KCNIP4: variants seen among roughly 807,000 people sequenced by gnomAD.
KCNIP4 encodes potassium voltage-gated channel interacting protein 4.
Under a neutral mutation model 34.0 loss-of-function variants are expected in KCNIP4, and 12 were observed. That is an observed-to-expected ratio of 0.35 (90% CI 0.23 to 0.57). The LOEUF is 0.57. Ranked by LOEUF, KCNIP4 falls within the 20% of genes least tolerant of loss-of-function variation. KCNIP4 has a pLI of 0.83. For synonymous variants in KCNIP4, 124 were observed against 102.2 expected (o/e 1.21, Z -1.29); for missense variants, 238 against 311.7 (o/e 0.76, Z 1.78).
At chr4:21,391,832 A>G (rs1322413318) in intron 1 of KCNIP4, among the ~76,000 whole-genome samples, 1 of 152,134 alleles carries the variant, frequency 6.6e-6, no homozygotes, top group Non-Finnish European at 1.5e-5. Flanking sequence ...TCCTTAATTC[A>G]ACCAGTACTG....
At chr4:21,894,177 C>CA (rs897662492) in intron 1 of KCNIP4, among the ~76,000 whole-genome samples, 18 of 150,446 alleles carry the variant, frequency 1.2e-4, no homozygotes, top group South Asian at 6.3e-4. Flanking sequence ...ACTAAAAATA[C>CA]AAAAAAAAAT....
intron 1 of KCNIP4, among the ~76,000 whole-genome samples, chr4:21,023,790 G>T (rs937851185): frequency 1.3e-5 from 2 of 152,212 alleles, no homozygotes; most frequent in African/African-American, 2.4e-5. Flanking sequence ...GTTAAGGTAG[G>T]AGGATCACTT....
At chr4:20,915,573 T>C (rs182274756) in intron 1 of KCNIP4, among the ~76,000 whole-genome samples, 79 of 152,274 alleles carry the variant, frequency 5.2e-4, no homozygotes, top group African/African-American at 1.7e-3. Context: ...AATCTACTAA[T>C]GTTAGCTTCA....
intron 1 of KCNIP4, among the ~76,000 whole-genome samples, chr4:21,704,822 C>T (rs1001643299): frequency 2.6e-5 from 4 of 152,054 alleles, no homozygotes; most frequent in Non-Finnish European, 5.9e-5. Flanking sequence ...CTTAAAATTC[C>T]GAACATACAT....
chr4:21,002,652 C>G (rs1215789648), intron 1 of KCNIP4, among the ~76,000 whole-genome samples: 1 of 152,068 alleles, frequency 6.6e-6, no homozygotes, highest in East Asian at 1.9e-4. Context: ...TCGGGCCCAC[C>G]CCAGACCTAC....
At chr4:21,694,914 C>CAAAAAAAAAAAAAAAAAA (rs368053041) in intron 1 of KCNIP4, among the ~76,000 whole-genome samples, 2 of 46,508 alleles carry the variant, frequency 4.3e-5, no homozygotes, top group African/African-American at 1.3e-4. Flanking sequence ...CACGATTGAC[C>CAAAAAAAAAAAAAAAAAA]AAAAAAAAAA....
chr4:21,247,984 C>CACACACATATATATAT (rs1560213179), intron 1 of KCNIP4, among the ~76,000 whole-genome samples: 7 of 116,682 alleles, frequency 6.0e-5, no homozygotes, highest in African/African-American at 1.5e-4. Flanking sequence ...TATATATATA[C>CACACACATATATATAT]ACACACACAC....
intron 1 of KCNIP4, among the ~76,000 whole-genome samples, chr4:20,951,400 A>G (rs2149640542): frequency 6.6e-6 from 1 of 152,370 alleles, no homozygotes; most frequent in Admixed American, 6.5e-5. Context: ...TATTAGATGA[A>G]TTATTCAAAA....
chr4:20,906,641 G>A (rs1399173312), intron 1 of KCNIP4, among the ~76,000 whole-genome samples: 1 of 152,082 alleles, frequency 6.6e-6, no homozygotes, highest in Non-Finnish European at 1.5e-5. Flanking sequence ...TCCCTATCCT[G>A]GAATTCACAA....
At chr4:21,748,460 C>T (rs926330021) in intron 1 of KCNIP4, among the ~76,000 whole-genome samples, 3 of 152,098 alleles carry the variant, frequency 2.0e-5, no homozygotes, top group Non-Finnish European at 2.9e-5. Context: ...AGAGTAAATG[C>T]CAATTTTGCA....
intron 3 of KCNIP4, among the ~76,000 whole-genome samples, chr4:20,761,466 G>A (rs1170754195): frequency 6.6e-6 from 1 of 152,138 alleles, no homozygotes; most frequent in Non-Finnish European, 1.5e-5. Flanking sequence ...TAAACACTTT[G>A]CAGTTAGACC....
chr4:21,615,942 T>C (rs1159246960), intron 1 of KCNIP4, among the ~76,000 whole-genome samples: 3 of 152,264 alleles, frequency 2.0e-5, no homozygotes, highest in Admixed American at 6.5e-5. Flanking sequence ...ATTTGTCCTC[T>C]GGTTTCTATC....
At chr4:21,711,861 ATCT>A (rs776877670) in intron 1 of KCNIP4, among the ~76,000 whole-genome samples, 2 of 152,192 alleles carry the variant, frequency 1.3e-5, no homozygotes, top group Non-Finnish European at 2.9e-5. Context: ...GTATGAACTA[ATCT>A]TCACAGGAAA....
At chr4:21,152,938 A>G (rs1577795299) in intron 1 of KCNIP4, among the ~76,000 whole-genome samples, 1 of 152,344 alleles carries the variant, frequency 6.6e-6, no homozygotes, top group Admixed American at 6.5e-5. Context: ...CTTTTCCACA[A>G]AACTGGTCCC....
intron 1 of KCNIP4, among the ~76,000 whole-genome samples, chr4:21,891,072 G>A (rs933692706): frequency 6.6e-6 from 1 of 152,012 alleles, no homozygotes; most frequent in African/African-American, 2.4e-5. Context: ...GTGTTCCAAG[G>A]GACGGGCTGG....
Position 21,285,016 on chromosome 4 carries a change from C to T in KCNIP4, c.62-402307G>A, listed in dbSNP as rs550861009. ...CTATATCAGTGCCTTTAATGCCCCA[C>T]CTTTTTCAGGCAGTGCCACATTTGA... On this transcript the variant is annotated intron_variant, in intron 1 of 8. Coordinates refer to ENST00000382152, the MANE Select transcript of KCNIP4 (RefSeq NM_025221.6). 1.5e-3 allele frequency among the ~76,000 whole-genome samples: 223 copies of T among 152,210 alleles called. 1 individual carries two copies. Among genetic ancestry groups the T allele is most frequent in the Non-Finnish European group, 2.3e-3 (156 of 68,006 alleles).
At chr4:21,711,474 C>A (rs1713723451) in intron 1 of KCNIP4, among the ~76,000 whole-genome samples, 1 of 146,512 alleles carries the variant, frequency 6.8e-6, no homozygotes, top group African/African-American at 2.7e-5. Flanking sequence ...GAGCGAGACT[C>A]CGTCTCAAAA....
intron 1 of KCNIP4, among the ~76,000 whole-genome samples, chr4:20,908,930 T>C (rs1024874411): frequency 1.3e-5 from 2 of 152,348 alleles, no homozygotes; most frequent in Non-Finnish European, 2.9e-5. Flanking sequence ...ATATTACTTA[T>C]TGTTATTATT....
intron 1 of KCNIP4, among the ~76,000 whole-genome samples, chr4:20,987,267 G>A (rs893479752): frequency 6.6e-6 from 1 of 152,044 alleles, no homozygotes; most frequent in Non-Finnish European, 1.5e-5. Context: ...TCCAGATCAC[G>A]GCTCAACCAT....
Sources: gnomAD v4.1 joint callset for allele counts (sites outside exome capture counted in the v4.1 genomes callset) on GRCh38, gnomAD v4.1.1 for gene constraint, MANE v1.5 for transcripts, NCBI Gene and HGNC (gene_info 2026-07-23, HGNC 2026-07-21) for gene names.